UNC5D: variants seen among roughly 807,000 people sequenced by gnomAD.
UNC5D encodes unc-5 netrin receptor D.
A neutral mutation model predicts 105.4 loss-of-function variants in UNC5D; 39 were observed. The ratio of observed to expected loss-of-function variants is 0.37; its 90% CI spans 0.29 to 0.48. The LOEUF is 0.48. Ranked by LOEUF, UNC5D falls within the 20% of genes least tolerant of loss-of-function variation. UNC5D has a pLI of 0.98. For synonymous variants in UNC5D, 452 were observed against 450.4 expected (o/e 1.00, Z -0.04); for missense variants, 991 against 1,202.4 (o/e 0.82, Z 2.60).
intron 4 of UNC5D, among the ~76,000 whole-genome samples, chr8:35,596,303 T>G (rs1287571167): frequency 6.6e-6 from 1 of 152,234 alleles, no homozygotes; most frequent in Non-Finnish European, 1.5e-5. Flanking sequence ...TTGTCCCTGG[T>G]AATGCACTCT....
chr8:35,672,000 A>G (rs1294773939), intron 4 of UNC5D, among the ~76,000 whole-genome samples: 1 of 152,158 alleles, frequency 6.6e-6, no homozygotes, highest in Non-Finnish European at 1.5e-5. Flanking sequence ...GTGTCCCTGC[A>G]TTTCCTTTGG....
intron 7 of UNC5D, among the ~76,000 whole-genome samples, chr8:35,698,634 C>G (rs1411737918): frequency 6.6e-6 from 1 of 152,082 alleles, no homozygotes; most frequent in Non-Finnish European, 1.5e-5. Flanking sequence ...TTTGTATATA[C>G]TACATTTTCT....
At chr8:35,394,165 C>T (rs1585740245) in intron 1 of UNC5D, among the ~76,000 whole-genome samples, 1 of 152,178 alleles carries the variant, frequency 6.6e-6, no homozygotes, top group Non-Finnish European at 1.5e-5. Flanking sequence ...CAGAAGAAAA[C>T]GATATGTACA....
intron 1 of UNC5D, among the ~76,000 whole-genome samples, chr8:35,403,829 A>G (rs1232878350): frequency 6.6e-6 from 1 of 152,206 alleles, no homozygotes; most frequent in Admixed American, 6.5e-5. Flanking sequence ...AGATCAAGCT[A>G]AATTCAGATA....
chr8:35,583,943 G>C (rs1336650980), intron 3 of UNC5D, among the ~76,000 whole-genome samples: 1 of 152,064 alleles, frequency 6.6e-6, no homozygotes, highest in Non-Finnish European at 1.5e-5. Context: ...TTATTTTCTT[G>C]TCAAAGGAAA....
Position 35,774,425 on chromosome 8 carries a change from A to G in UNC5D, c.2605A>G (p.Asn869Asp). ...GATTTGTGCTACATTTGATACCCCCAATGCCAAAGGCAAGGACTGGCAGAT... is the reference window on the plus strand; with the variant it reads ...GATTTGTGCTACATTTGATACCCCCGATGCCAAAGGCAAGGACTGGCAGAT... Reference protein sequence around the residue: ...QRICATFDTPNAKGKDWQMLA... With the variant: ...QRICATFDTPDAKGKDWQMLA... The change falls in exon 16 of 17, where the codon AAT becomes GAT. Residue 869 changes from asparagine (N) to aspartate (D), a missense_variant. By Grantham distance (23) the Asn-to-Asp change is conservative (BLOSUM62 1). This residue lies in a region of UNC5D where 944 missense variants were observed against 1,131.6 expected (regional missense o/e 0.83). Transcript: ENST00000404895. 6.2e-7 allele frequency: 1 copy of G among 1,614,116 alleles called. No individual in the cohort carries two copies. Among genetic ancestry groups the G allele is most frequent in the Non-Finnish European group, 8.5e-7 (1 of 1,180,000 alleles).
chr8:35,775,198 C>A (rs1022269616), intron 16 of UNC5D, among the ~76,000 whole-genome samples: 4 of 152,154 alleles, frequency 2.6e-5, no homozygotes, highest in African/African-American at 9.7e-5. Flanking sequence ...TGAGGACATG[C>A]TCAACCTACA....
chr8:35,518,171 A>T (rs1439159), intron 1 of UNC5D, among the ~76,000 whole-genome samples: 2 of 152,126 alleles, frequency 1.3e-5, no homozygotes, highest in African/African-American at 4.8e-5. Context: ...TTTATTATCA[A>T]GTAGCACTGT....
chr8:35,490,094 A>G (rs1384338723), intron 1 of UNC5D, among the ~76,000 whole-genome samples: 2 of 152,226 alleles, frequency 1.3e-5, no homozygotes, highest in Non-Finnish European at 2.9e-5. Context: ...ATATTTTGTG[A>G]ATAAAATTGT....
intron 13 of UNC5D, among the ~76,000 whole-genome samples, chr8:35,754,117 C>A (rs1463017540): frequency 6.6e-6 from 1 of 152,158 alleles, no homozygotes; most frequent in East Asian, 1.9e-4. Flanking sequence ...CAACAGTTCC[C>A]TTTTTGAACC....
intron 1 of UNC5D, among the ~76,000 whole-genome samples, chr8:35,431,597 C>A (rs1806640991): frequency 6.6e-6 from 1 of 152,032 alleles, no homozygotes; most frequent in African/African-American, 2.4e-5. Flanking sequence ...TCTGCAACTA[C>A]AATAGGTTAT....
chr8:35,301,219 C>T (rs117655527), intron 1 of UNC5D, among the ~76,000 whole-genome samples: 1 of 152,108 alleles, frequency 6.6e-6, no homozygotes, highest in Admixed American at 6.5e-5. Context: ...AGGATAAGGA[C>T]ATGTTGAAAG....
intron 1 of UNC5D, among the ~76,000 whole-genome samples, chr8:35,402,971 C>T (rs1334866098): frequency 1.3e-5 from 2 of 152,124 alleles, no homozygotes; most frequent in African/African-American, 4.8e-5. Context: ...GCCTCATAGA[C>T]CTGTTCTTTC....
At chr8:35,323,391 C>T (rs1262616747) in intron 1 of UNC5D, among the ~76,000 whole-genome samples, 1 of 151,862 alleles carries the variant, frequency 6.6e-6, no homozygotes, top group Non-Finnish European at 1.5e-5. Context: ...TACTCTGAGT[C>T]ACTTGGCTTC....
At chr8:35,699,846 C>T (rs1423437949) in intron 7 of UNC5D, among the ~76,000 whole-genome samples, 11 of 152,016 alleles carry the variant, frequency 7.2e-5, no homozygotes, top group Non-Finnish European at 1.2e-4. Flanking sequence ...AAAAGAAAAA[C>T]GCAATAAGGA....
intron 8 of UNC5D, among the ~76,000 whole-genome samples, chr8:35,713,511 C>A (rs1341251781): frequency 1.3e-5 from 2 of 152,120 alleles, no homozygotes; most frequent in Non-Finnish European, 2.9e-5. Context: ...AAAGAAACAT[C>A]AAATAAAGTT....
At chr8:35,423,852 C>CTTTTTT (rs200270722) in intron 1 of UNC5D, among the ~76,000 whole-genome samples, 1 of 135,118 alleles carries the variant, frequency 7.4e-6, no homozygotes, top group Non-Finnish European at 1.6e-5. Context: ...ATAAGGAGTA[C>CTTTTTT]TTTTTTTTTT....
At chr8:35,372,278 C>A (rs1006094249) in intron 1 of UNC5D, among the ~76,000 whole-genome samples, 3 of 152,058 alleles carry the variant, frequency 2.0e-5, no homozygotes, top group African/African-American at 7.2e-5. Flanking sequence ...CATGCACTAC[C>A]ATACCTGGTT....
intron 5 of UNC5D, 41 bp from the exon 6 acceptor site, chr8:35,684,541 C>A (rs1172873622): frequency 6.3e-7 from 1 of 1,596,710 alleles, no homozygotes; most frequent in Non-Finnish European, 8.5e-7. Flanking sequence ...CAGTAAAAAC[C>A]TCTCTCCTTT....
Sources: gnomAD v4.1 joint callset for allele counts (sites outside exome capture counted in the v4.1 genomes callset) on GRCh38, gnomAD v4.1.1 for gene constraint, gnomAD v4.1.1 regional missense constraint, MANE v1.5 for transcripts, NCBI Gene and HGNC (gene_info 2026-07-23, HGNC 2026-07-21) for gene names.